The following SORCS3 variants were observed in gnomAD, a reference collection of about 807,000 sequenced individuals.
The protein encoded by SORCS3 is sortilin related VPS10 domain containing receptor 3.
A neutral mutation model predicts 146.3 loss-of-function variants in SORCS3; 57 were observed. The ratio of observed to expected loss-of-function variants is 0.39; its 90% confidence interval spans 0.31 to 0.49. The LOEUF is 0.49. Among genes scored for constraint, SORCS3 ranks in the 20% least tolerant of loss-of-function variants. SORCS3 has a pLI of 0.92. For synonymous variants in SORCS3, 653 were observed against 618.5 expected, an observed-to-expected ratio of 1.06 and a Z score of -0.83; for missense variants, 1,341 against 1,575.5, an observed-to-expected ratio of 0.85 and a Z score of 2.52.
At chr10:104,865,447 T>C (rs1250417426) in intron 2 of SORCS3, among the ~76,000 whole-genome samples, 1 of 152,198 alleles carries the variant, frequency 6.6e-6, no homozygotes, top group Non-Finnish European at 1.5e-5. Context: ...CTACAAATTT[T>C]AGGGATGAAG....
intron 3 of SORCS3, among the ~76,000 whole-genome samples, chr10:104,975,497 A>G (rs954288450): frequency 6.6e-6 from 1 of 152,230 alleles, no homozygotes; most frequent in Admixed American, 6.5e-5. Flanking sequence ...AAGGTAATTT[A>G]TAGAGTCAAT....
chr10:105,151,191 A>T (rs747741544), intron 9 of SORCS3, among the ~76,000 whole-genome samples: 27 of 152,152 alleles, frequency 1.8e-4, no homozygotes, highest in Non-Finnish European at 3.1e-4. Context: ...CTTATAGATG[A>T]GTTTGGCTTA....
intron 1 of SORCS3, among the ~76,000 whole-genome samples, chr10:104,688,862 C>A (rs1358030594): frequency 6.6e-6 from 1 of 152,214 alleles, no homozygotes; most frequent in Non-Finnish European, 1.5e-5. Flanking sequence ...GTCCTTGAGT[C>A]CTCACTGACA....
intron 4 of SORCS3, among the ~76,000 whole-genome samples, chr10:105,042,560 TAAG>T (rs2055344686): frequency 6.6e-6 from 1 of 151,982 alleles, no homozygotes; most frequent in Non-Finnish European, 1.5e-5. Flanking sequence ...CATGGAATAA[TAAG>T]AAGAGTGGCC....
intron 5 of SORCS3, among the ~76,000 whole-genome samples, chr10:105,075,710 G>A (rs1433310411): frequency 6.6e-6 from 1 of 152,172 alleles, no homozygotes; most frequent in East Asian, 1.9e-4. Flanking sequence ...ACAGCTGTCA[G>A]TGCAGAGGGG....
intron 3 of SORCS3, among the ~76,000 whole-genome samples, chr10:104,917,252 AT>A (rs1315993132): frequency 6.6e-6 from 1 of 152,100 alleles, no homozygotes; most frequent in Non-Finnish European, 1.5e-5. Context: ...AAGCATTGCC[AT>A]TTTCACATCT....
At chr10:105,129,331 C>CCTTTTTTTT (rs2055999448) in intron 7 of SORCS3, among the ~76,000 whole-genome samples, 3 of 104,634 alleles carry the variant, frequency 2.9e-5, no homozygotes, top group African/African-American at 1.2e-4. Flanking sequence ...CTTTCTTTCT[C>CCTTTTTTTT]TTTTTTTTTT....
intron 1 of SORCS3, among the ~76,000 whole-genome samples, chr10:104,691,875 G>A (rs547389441): frequency 2.6e-5 from 4 of 152,200 alleles, no homozygotes; most frequent in South Asian, 4.1e-4. Flanking sequence ...TAAGTAGCTA[G>A]GACTATAGGT....
intron 2 of SORCS3, among the ~76,000 whole-genome samples, chr10:104,889,655 A>T (rs950894541): frequency 1.3e-5 from 2 of 152,142 alleles, no homozygotes; most frequent in African/African-American, 4.8e-5. Context: ...CAGCCCTTGG[A>T]CAATTAGAGG....
chr10:104,926,050 G>C (rs754263645), intron 3 of SORCS3, among the ~76,000 whole-genome samples: 1 of 152,330 alleles, frequency 6.6e-6, no homozygotes, highest in South Asian at 2.1e-4. Context: ...GGGTCCGGCT[G>C]CCTGGCTGTG....
chr10:104,853,709 T>C (rs1291583971), intron 2 of SORCS3, among the ~76,000 whole-genome samples: 1 of 152,194 alleles, frequency 6.6e-6, no homozygotes, highest in Non-Finnish European at 1.5e-5. Context: ...TATCTATGCA[T>C]AGAGAGACTG....
intron 19 of SORCS3, among the ~76,000 whole-genome samples, chr10:105,221,917 G>A (rs941814447): frequency 1.3e-5 from 2 of 151,892 alleles, no homozygotes; most frequent in Admixed American, 6.6e-5. Context: ...GAAAGAAGGA[G>A]GGAGGAAGAC....
chr10:104,890,119 G>T (rs1037451409), intron 2 of SORCS3, among the ~76,000 whole-genome samples: 3 of 151,908 alleles, frequency 2.0e-5, no homozygotes, highest in Non-Finnish European at 2.9e-5. Flanking sequence ...TTAAGCAATT[G>T]AGTACGACGT....
At chr10:105,177,739 T>C (rs1300048652) in intron 13 of SORCS3, among the ~76,000 whole-genome samples, 1 of 152,174 alleles carries the variant, frequency 6.6e-6, no homozygotes, top group African/African-American at 2.4e-5. Flanking sequence ...GCTGAATGGA[T>C]TGTGCTGTAA....
intron 2 of SORCS3, among the ~76,000 whole-genome samples, chr10:104,851,737 T>C (rs1229171052): frequency 6.6e-6 from 1 of 152,214 alleles, no homozygotes; most frequent in African/African-American, 2.4e-5. Flanking sequence ...TGATTTGATA[T>C]ACCCCATTCC....
chr10:104,720,328 A>G (rs2016531530), intron 1 of SORCS3, among the ~76,000 whole-genome samples: 1 of 152,214 alleles, frequency 6.6e-6, no homozygotes, highest in South Asian at 2.1e-4. Flanking sequence ...ATGGCTGCAT[A>G]GTATTCCATG....
At chr10:104,857,293 A>G (rs913892590) in intron 2 of SORCS3, among the ~76,000 whole-genome samples, 1 of 152,012 alleles carries the variant, frequency 6.6e-6, no homozygotes, top group Admixed American at 6.6e-5. Flanking sequence ...AGCAGTTTGA[A>G]ATCTTTTCTG....
At chr10:104,685,769 G>A (rs905353618) in intron 1 of SORCS3, among the ~76,000 whole-genome samples, 20 of 152,326 alleles carry the variant, frequency 1.3e-4, no homozygotes, top group African/African-American at 4.8e-4. Flanking sequence ...GGACTATCAT[G>A]TGCATTGTAG....
chr10:105,148,660 G>A (rs973196363), intron 9 of SORCS3, among the ~76,000 whole-genome samples: 1 of 152,092 alleles, frequency 6.6e-6, no homozygotes, highest in Non-Finnish European at 1.5e-5. Context: ...AAAGAGATAC[G>A]TTGTCTATTC....
Sources: allele counts gnomAD v4.1 joint callset (sites outside exome capture counted in the v4.1 genomes callset), GRCh38; gene constraint gnomAD v4.1.1; transcripts MANE v1.5; gene names NCBI Gene and HGNC (gene_info 2026-07-23, HGNC 2026-07-21).